Variants in SVIL observed in about 807,000 individuals in gnomAD.
SVIL encodes supervillin, also known as archvillin.
SVIL carries 101 observed loss-of-function variants against 240.4 expected under a neutral mutation model. The ratio of observed to expected loss-of-function variants is 0.42; its 90% CI spans 0.36 to 0.50. The LOEUF is 0.50. Among genes scored for constraint, SVIL ranks in the 20% least tolerant of loss-of-function variants. The pLI, the probability that SVIL is intolerant of heterozygous loss-of-function variation, is 0.01. For synonymous variants in SVIL, 999 were observed against 1,100.0 expected (o/e 0.91, Z 1.82); for missense variants, 2,512 against 2,818.7 (o/e 0.89, Z 2.46).
At chr10:29,543,314 G>A (rs1266450766) in intron 6 of SVIL, among the ~76,000 whole-genome samples, 2 of 152,188 alleles carry the variant, frequency 1.3e-5, no homozygotes, top group African/African-American at 4.8e-5. Flanking sequence ...ATTTGTCAGT[G>A]GCCCTATTAG....
intron 1 of SVIL, among the ~76,000 whole-genome samples, chr10:29,729,794 G>A (rs181808843): frequency 0.012 from 1,478 of 127,878 alleles, 32 homozygotes; most frequent in African/African-American, 0.04. Context: ...AGATTGCACC[G>A]TTGCACTCCA....
intron 1 of SVIL, among the ~76,000 whole-genome samples, chr10:29,618,722 A>ATT (rs562652299): frequency 2.1e-5 from 3 of 146,066 alleles, no homozygotes; most frequent in South Asian, 2.2e-4. Flanking sequence ...CTTGCAGCAG[A>ATT]TTTTTTTTTT....
intron 1 of SVIL, among the ~76,000 whole-genome samples, chr10:29,585,869 C>T (rs760693594): frequency 3.3e-5 from 5 of 152,240 alleles, no homozygotes; most frequent in African/African-American, 4.8e-5. Flanking sequence ...AATGAGAAGC[C>T]GCTTAGACAA....
intron 35 of SVIL, among the ~76,000 whole-genome samples, chr10:29,462,849 A>G (rs758367287): frequency 1.3e-5 from 2 of 152,236 alleles, no homozygotes; most frequent in Non-Finnish European, 2.9e-5. Flanking sequence ...ATTTATTGCT[A>G]AAGAGTTTTT....
chr10:29,548,803 C>T (rs1952932592), intron 6 of SVIL, among the ~76,000 whole-genome samples: 1 of 152,144 alleles, frequency 6.6e-6, no homozygotes, highest in Non-Finnish European at 1.5e-5. Context: ...AATCATCAGT[C>T]TCTGATATGA....
intron 1 of SVIL, among the ~76,000 whole-genome samples, chr10:29,591,915 T>C (rs1247885482): frequency 6.6e-6 from 1 of 152,186 alleles, no homozygotes; most frequent in Non-Finnish European, 1.5e-5. Flanking sequence ...GCTAGTACCT[T>C]ACATGGTTCT....
rs72802780 is a variant in SVIL at position 29,512,975 on chromosome 10, C to T, written c.3390-114G>A. The T allele has an allele frequency of 2.5e-3, 3,519 of 1,400,332 alleles. 5 individuals carry two copies. The highest frequency in any genetic ancestry group is 3.0e-3 in the Non-Finnish European group (3,090 of 1,046,646). The allele number at this position is 1,400,332 out of a possible 1,614,324, so 86.7% of individuals were successfully genotyped here. A position where few individuals can be genotyped will look rare whatever the true frequency, so the allele number is the denominator to read the frequency against. ...GGCCAAGATATGACCACAGCCGCCT[C>T]GTTTTAACATTTTGAATTTCATTTA... On this transcript the variant is annotated intron_variant, in intron 16 of 37. Coordinates refer to ENST00000355867, the MANE Select transcript of SVIL (RefSeq NM_021738.3).
rs1381459585 is a variant in SVIL, at chr10:29,735,141, CT to C, written c.-400+609del. On this transcript the variant is annotated intron_variant, in intron 1 of 35. Transcript: ENST00000375400. The surrounding 1 kb of genome is among the most constrained non-coding windows in gnomAD (Gnocchi z 4.1). ...TGTCACCCGGGGACTAAACCACTCC[CT>C]TCGGGGAGCCCGCACGCGCGCAGAA... Among the ~76,000 whole-genome samples the C allele has an allele frequency of 6.6e-6, 1 of 152,138 alleles. No individual in the cohort carries two copies. Among genetic ancestry groups the C allele is most frequent in the Non-Finnish European group, 1.5e-5 (1 of 68,008 alleles).
chr10:29,509,256 G>C (rs2132475063), intron 17 of SVIL, among the ~76,000 whole-genome samples: 1 of 147,092 alleles, frequency 6.8e-6, no homozygotes, highest in Non-Finnish European at 1.5e-5. Context: ...AAGAACAGGT[G>C]AAAGATAATA....
rs1455496401 is a variant in SVIL at position 29,470,520 on chromosome 10, G to A, written c.5636-37C>T. 3.1e-6 allele frequency: 5 copies of A among 1,610,656 alleles called. No homozygotes were observed. In the East Asian group the frequency reaches 8.9e-5, roughly 29 times the overall value. On this transcript the variant is annotated intron_variant, in intron 31 of 37. Transcript: ENST00000355867. ...ACCGGCGGCGCGGAGGAGTTAGCACGTGAGCGAGTGGCAGCAAACGCGGCC... is the reference window on the plus strand; with the variant it reads ...ACCGGCGGCGCGGAGGAGTTAGCACATGAGCGAGTGGCAGCAAACGCGGCC...
intron 22 of SVIL, among the ~76,000 whole-genome samples, chr10:29,490,643 T>C (rs1054484538): frequency 2.0e-5 from 3 of 150,786 alleles, no homozygotes; most frequent in African/African-American, 7.3e-5. Flanking sequence ...ACTGAACAGG[T>C]GATACACACT....
intron 1 of SVIL, among the ~76,000 whole-genome samples, chr10:29,581,723 G>C (rs1469622372): frequency 6.6e-6 from 1 of 152,136 alleles, no homozygotes; most frequent in Non-Finnish European, 1.5e-5. Flanking sequence ...TTAGTTTCTG[G>C]TTCATTCCAA....
intron 2 of SVIL, among the ~76,000 whole-genome samples, chr10:29,564,139 G>A (rs1954761680): frequency 6.6e-6 from 1 of 152,044 alleles, no homozygotes; most frequent in Non-Finnish European, 1.5e-5. Flanking sequence ...CCACCATGGC[G>A]GATCTCAGGC....
intron 27 of SVIL, among the ~76,000 whole-genome samples, chr10:29,482,491 C>T (rs994796440): frequency 2.6e-5 from 4 of 152,228 alleles, no homozygotes; most frequent in Non-Finnish European, 4.4e-5. Flanking sequence ...GAAGAGGTAG[C>T]TCCCTCCTCA....
At chr10:29,496,389 T>G (rs1314981962) in intron 18 of SVIL, 1 of 455,526 alleles carries the variant, frequency 2.2e-6, no homozygotes, top group Non-Finnish European at 4.4e-6. Context: ...AGGGAAATCT[T>G]TACTCACTAG....
At chr10:29,660,870 T>TA (rs1959137673) in intron 2 of SVIL, among the ~76,000 whole-genome samples, 1 of 151,916 alleles carries the variant, frequency 6.6e-6, no homozygotes, top group South Asian at 2.1e-4. Context: ...AGAAGGAGTT[T>TA]AAAAAGCCTG....
chr10:29,723,840 T>C (rs1964127819), intron 1 of SVIL, among the ~76,000 whole-genome samples: 1 of 152,150 alleles, frequency 6.6e-6, no homozygotes, highest in Non-Finnish European at 1.5e-5. Flanking sequence ...CAAAAGCCAT[T>C]GTTGGGTAAC....
Position 29,522,582 on chromosome 10 carries a change from T to G in SVIL, c.3217A>C (p.Thr1073Pro), listed in dbSNP as rs147456614. The G allele has an allele frequency of 3.7e-6, 6 of 1,614,000 alleles. No homozygotes were observed. The highest frequency in any genetic ancestry group is 5.1e-6 in the Non-Finnish European group (6 of 1,180,024). ...SEQTGTAAGK[T>P]IAQTTAPVSW... ...ACGGGGGCTGTGGTTTGAGCAATAG[T>G]TTTCCCAGCAGCTGTCCCCGTCTGC... is the stretch of plus-strand genomic sequence containing the variant. Residue 1073 changes from threonine (T) to proline (P), a missense_variant, in exon 16 of 38, where the codon ACT becomes CCT. Coordinates refer to ENST00000355867, the MANE Select transcript of SVIL (RefSeq NM_021738.3).
At chr10:29,473,609 T>G in intron 30 of SVIL, 1 of 587,152 alleles carries the variant, frequency 1.7e-6, no homozygotes, top group Non-Finnish European at 3.0e-6. Flanking sequence ...GGATTTCCTA[T>G]TTGCAGATAC....
Sources: allele counts gnomAD v4.1 joint callset (sites outside exome capture counted in the v4.1 genomes callset), GRCh38; gene constraint gnomAD v4.1.1; non-coding constraint Gnocchi (gnomAD v3.1); transcripts MANE v1.5; gene names NCBI Gene and HGNC (gene_info 2026-07-23, HGNC 2026-07-21).